RAPGEF1: variants seen among roughly 807,000 people sequenced by gnomAD.
The protein encoded by RAPGEF1 is Rap guanine nucleotide exchange factor 1, also known as CRK SH3-binding GNRP.
A neutral mutation model predicts 143.3 loss-of-function variants in RAPGEF1; 33 were observed. That is an observed-to-expected ratio of 0.23 (90% confidence interval 0.17 to 0.31). The LOEUF (loss-of-function observed/expected upper bound fraction) is 0.31. RAPGEF1 is among the 10% of genes least tolerant of loss of function. The pLI, the probability that RAPGEF1 is intolerant of heterozygous loss-of-function variation, is 1.00. For missense variants in RAPGEF1, 1,199 were observed against 1,645.4 expected, an observed-to-expected ratio of 0.73 and a Z score of 4.69; for synonymous variants, 629 against 676.5, an observed-to-expected ratio of 0.93 and a Z score of 1.09.
At chr9:131,716,764 C>T (rs906470082) in intron 1 of RAPGEF1, among the ~76,000 whole-genome samples, 2 of 152,184 alleles carry the variant, frequency 1.3e-5, no homozygotes, top group African/African-American at 4.8e-5. Context: ...CAGAGGCAGA[C>T]CCTGTCTCAA....
chr9:131,731,382 TGAA>T (rs1291143925), intron 1 of RAPGEF1, among the ~76,000 whole-genome samples: 1 of 152,190 alleles, frequency 6.6e-6, no homozygotes, highest in Non-Finnish European at 1.5e-5. Context: ...AACCATCACT[TGAA>T]GGAGGATGGG....
At chr9:131,598,463 C>G (rs1299425329) in intron 15 of RAPGEF1, 153 bp from the exon 16 acceptor site, 1 of 711,910 alleles carries the variant, frequency 1.4e-6, no homozygotes, top group Non-Finnish European at 2.5e-6. Flanking sequence ...GGATCCTCAG[C>G]TCTGCTACTG....
chr9:131,580,501 G>T (rs1002380326), intron 25 of RAPGEF1, 110 bp from the exon 26 acceptor site: 1 of 1,312,592 alleles, frequency 7.6e-7, no homozygotes, highest in Non-Finnish European at 1.0e-6. Flanking sequence ...CCAAACCCCA[G>T]AGCAAACCAA....
chr9:131,686,342 C>A (rs1589007094), intron 1 of RAPGEF1, among the ~76,000 whole-genome samples: 1 of 152,210 alleles, frequency 6.6e-6, no homozygotes, highest in Non-Finnish European at 1.5e-5. Context: ...TTTTAAGAAA[C>A]AGCATTCTGT....
intron 1 of RAPGEF1, among the ~76,000 whole-genome samples, chr9:131,722,628 C>T (rs954444428): frequency 5.3e-5 from 8 of 152,368 alleles, no homozygotes; most frequent in Admixed American, 5.2e-4. Flanking sequence ...CAGGGGACAG[C>T]AGGGGCCCAG....
At chr9:131,595,647 C>A (rs1955132653) in intron 17 of RAPGEF1, among the ~76,000 whole-genome samples, 4 of 151,934 alleles carry the variant, frequency 2.6e-5, no homozygotes, top group Admixed American at 2.6e-4. Flanking sequence ...TGTGGCCATG[C>A]CCCATCAGGT....
At chr9:131,586,368 ACACACC>A (rs1564453003) in intron 22 of RAPGEF1, among the ~76,000 whole-genome samples, 3 of 86,844 alleles carry the variant, frequency 3.5e-5, no homozygotes, top group Non-Finnish European at 5.0e-5. Flanking sequence ...ACACACACAC[ACACACC>A]CACCTGCAGA....
intron 17 of RAPGEF1, among the ~76,000 whole-genome samples, chr9:131,594,371 T>C (rs938238479): frequency 2.0e-5 from 3 of 152,346 alleles, no homozygotes; most frequent in East Asian, 1.9e-4. Flanking sequence ...TGTCAAGGGA[T>C]AGACAGGATC....
At chr9:131,579,835 T>C (rs1312142900) in intron 26 of RAPGEF1, among the ~76,000 whole-genome samples, 188 bp from the exon 27 acceptor site, 1 of 152,148 alleles carries the variant, frequency 6.6e-6, no homozygotes, top group African/African-American at 2.4e-5. Flanking sequence ...CACCAGCACA[T>C]GGAGCACAAA....
Position 131,588,932 on chromosome 9 carries a change from G to A in RAPGEF1, c.2922C>T (p.Arg974=), listed in dbSNP as rs1350293317. ...ILKLLMELVF[R]LVCNGELSLA... is the part of the protein sequence containing the mutation. ...GGCTCAGCTCCCCATTGCACACCAG[G>A]CGGAAGACCAGTTCCATCAGCAGCT... The change falls in exon 20 of 27, where the codon CGC becomes CGT. Residue 974 remains arginine, a synonymous_variant. Transcript: ENST00000683357. 1 of 1,613,916 alleles carries A rather than the reference G, an allele frequency of 6.2e-7. No homozygotes were observed. The highest frequency in any genetic ancestry group is 8.5e-7 in the Non-Finnish European group (1 of 1,179,854).
Position 131,650,856 on chromosome 9 carries a change from T to A in RAPGEF1, c.155A>T (p.Lys52Ile). The change falls in exon 2 of 27, where the codon AAA (lysine) becomes ATA (isoleucine). Residue 52 changes from lysine to isoleucine, a missense_variant. Lys to Ile is a moderately radical substitution (Grantham distance 102). Transcript: ENST00000683357. This position sits in a 1 kb window ranked among gnomAD's most constrained non-coding sequence, Gnocchi z 4.7. ...AATCTTTACGGACACCTCAGCTGGT[T>A]TTCCCTTCTTTGATGGCGTTCTCTT... Reference protein sequence around the residue: ...KIKRTPSKKGKPAEVSVKIPE... With the variant: ...KIKRTPSKKGIPAEVSVKIPE... 1 of 1,614,048 alleles carries A rather than the reference T, an allele frequency of 6.2e-7. No individual in the cohort carries two copies. Among genetic ancestry groups the A allele is most frequent in the Non-Finnish European group, 8.5e-7 (1 of 1,179,898 alleles).
chr9:131,607,019 A>G (rs973391013), intron 12 of RAPGEF1, among the ~76,000 whole-genome samples: 1 of 152,212 alleles, frequency 6.6e-6, no homozygotes, highest in Non-Finnish European at 1.5e-5. Flanking sequence ...CTGTGTGTAC[A>G]GCCGTGGCCC....
intron 1 of RAPGEF1, among the ~76,000 whole-genome samples, chr9:131,687,574 A>G (rs192168746): frequency 1.4e-3 from 218 of 152,308 alleles, no homozygotes; most frequent in African/African-American, 5.0e-3. Flanking sequence ...ATTGTTTAAA[A>G]TGCCTCAAGA....
chr9:131,710,359 C>T (rs1835421550), intron 1 of RAPGEF1, among the ~76,000 whole-genome samples: 1 of 152,122 alleles, frequency 6.6e-6, no homozygotes, highest in African/African-American at 2.4e-5. Context: ...ATTTATAACC[C>T]CAAGCTCCAA....
chr9:131,596,434 A>T (rs1388835153), intron 16 of RAPGEF1, 61 bp from the exon 17 acceptor site: 6 of 1,519,964 alleles, frequency 3.9e-6, no homozygotes, highest in Non-Finnish European at 5.5e-6. Context: ...GAATCAGTTT[A>T]GGAAGAAACA....
chr9:131,669,651 T>C (rs1047560375), intron 1 of RAPGEF1, among the ~76,000 whole-genome samples: 13 of 152,046 alleles, frequency 8.6e-5, no homozygotes, highest in Admixed American at 3.9e-4. Context: ...TGTTCTGACA[T>C]GACACCCAAG....
intron 13 of RAPGEF1, 46 bp downstream of exon 13, chr9:131,604,885 G>GGTGTGT (rs58627149): frequency 2.0e-4 from 243 of 1,192,718 alleles, no homozygotes; most frequent in East Asian, 1.8e-3. Flanking sequence ...CATGTGCAGG[G>GGTGTGT]GTGTGTGTGT....
intron 12 of RAPGEF1, among the ~76,000 whole-genome samples, chr9:131,613,709 A>G (rs1371099789): frequency 2.6e-5 from 4 of 152,188 alleles, no homozygotes; most frequent in Admixed American, 6.5e-5. Context: ...CAGGGAGCCC[A>G]GGGTCTGGTG....
chr9:131,581,302 G>A (rs560593274), intron 25 of RAPGEF1, among the ~76,000 whole-genome samples: 1 of 152,162 alleles, frequency 6.6e-6, no homozygotes, highest in African/African-American at 2.4e-5. Flanking sequence ...ACCGATGTGG[G>A]AGGATTCCTT....
Sources: allele counts gnomAD v4.1 joint callset (sites outside exome capture counted in the v4.1 genomes callset), GRCh38; gene constraint gnomAD v4.1.1; non-coding constraint Gnocchi (gnomAD v3.1); transcripts MANE v1.5; gene names NCBI Gene and HGNC (gene_info 2026-07-23, HGNC 2026-07-21).